Variants in SV2C observed in about 807,000 individuals in gnomAD.
The protein encoded by SV2C is synaptic vesicle glycoprotein 2C, also known as solute carrier family 22 member B3.
In SV2C, 49 loss-of-function variants were observed where a neutral mutation model predicts 79.7. That is an observed-to-expected ratio of 0.61 (90% confidence interval 0.49 to 0.78). SV2C has a LOEUF of 0.78. Among genes scored for constraint, SV2C ranks in the 30% least tolerant of loss-of-function variants. The pLI, the probability that SV2C is intolerant of heterozygous loss-of-function variation, is 0.00. For synonymous variants in SV2C, 334 were observed against 333.2 expected, an observed-to-expected ratio of 1.00 and a Z score of -0.03; for missense variants, 833 against 912.9, an observed-to-expected ratio of 0.91 and a Z score of 1.13.
the SV2C span, among the ~76,000 whole-genome samples, chr5:76,057,903 T>A: frequency 6.6e-6 from 1 of 152,180 alleles, no homozygotes; most frequent in African/African-American, 2.4e-5. Flanking sequence ...TGTTTATGAA[T>A]AATTTGAATT....
chr5:76,302,499 G>A (rs1260702918), intron 12 of SV2C, among the ~76,000 whole-genome samples: 59 of 151,462 alleles, frequency 3.9e-4, no homozygotes, highest in Admixed American at 2.3e-3. Flanking sequence ...GCATGGCGGC[G>A]GGTGCCTGTA....
intron 2 of SV2C, among the ~76,000 whole-genome samples, chr5:76,165,983 T>A (rs546433629): frequency 1.5e-4 from 23 of 152,192 alleles, no homozygotes; most frequent in Non-Finnish European, 2.8e-4. Flanking sequence ...CAGTCAAGAA[T>A]GAGGGGTTCC....
chr5:76,085,372 T>C (rs1747152427), intron 1 of SV2C, among the ~76,000 whole-genome samples: 1 of 152,186 alleles, frequency 6.6e-6, no homozygotes, highest in Non-Finnish European at 1.5e-5. Flanking sequence ...ACACTACTGA[T>C]AACGCATTCT....
chr5:76,144,574 G>A (rs1749361259), intron 2 of SV2C, among the ~76,000 whole-genome samples: 1 of 152,212 alleles, frequency 6.6e-6, no homozygotes, highest in African/African-American at 2.4e-5. Flanking sequence ...ATGTAGAAGT[G>A]TCTTCTGTGC....
At position 76,221,231 on chromosome 5, in the gene SV2C, G is replaced by A. The variant is rs114682129; in HGVS notation, c.913+11344G>A. The stretch of plus-strand genomic sequence containing the variant: ...GATAGCTCAGGGAATGGTCAGGAAG[G>A]CTGGAGAAACAGGCTCAGAAAACAG... On this transcript the variant is annotated intron_variant, in intron 4 of 12. Coordinates refer to ENST00000502798, the MANE Select transcript of SV2C (RefSeq NM_014979.4). Among the ~76,000 whole-genome samples the A allele has an allele frequency of 9.6e-3, 1,458 of 152,278 alleles. 23 individuals carry two copies. The highest frequency in any genetic ancestry group is 0.033 in the African/African-American group (1,362 of 41,550).
chr5:76,089,340 C>T (rs1000706202), intron 1 of SV2C, among the ~76,000 whole-genome samples: 1 of 152,124 alleles, frequency 6.6e-6, no homozygotes, highest in South Asian at 2.1e-4. Flanking sequence ...CATCCATGTC[C>T]CTGCAAAGGA....
intron 4 of SV2C, among the ~76,000 whole-genome samples, chr5:76,228,544 C>T (rs191213693): frequency 5.3e-5 from 8 of 152,162 alleles, no homozygotes; most frequent in East Asian, 1.9e-4. Flanking sequence ...GCAAGGAAAC[C>T]GTAAGTCTGC....
the SV2C span, among the ~76,000 whole-genome samples, chr5:75,863,593 A>G: frequency 0.017 from 2,644 of 152,284 alleles, 42 homozygotes; most frequent in Middle Eastern, 0.044. Context: ...TGGCTTTTCC[A>G]CATGGCCTTT....
chr5:76,052,042 A>G, the SV2C span, among the ~76,000 whole-genome samples: 1 of 152,116 alleles, frequency 6.6e-6, no homozygotes, highest in Non-Finnish European at 1.5e-5. Context: ...TGTTAAATCC[A>G]GGTCATCTCC....
At chr5:75,921,460 C>G in the SV2C span, 1 of 796,758 alleles carries the variant, frequency 1.3e-6, no homozygotes, top group Non-Finnish European at 2.3e-6. Flanking sequence ...CCATCCTTGC[C>G]CATAAGGCAG....
intron 12 of SV2C, among the ~76,000 whole-genome samples, chr5:76,323,251 G>T (rs1748887618): frequency 6.6e-6 from 1 of 152,028 alleles, no homozygotes; most frequent in South Asian, 2.1e-4. Flanking sequence ...CTTCTCAAAA[G>T]AAGACATTTA....
the SV2C span, among the ~76,000 whole-genome samples, chr5:76,072,910 A>G: frequency 6.6e-6 from 1 of 152,122 alleles, no homozygotes; most frequent in Non-Finnish European, 1.5e-5. Context: ...TTCTTTGGAA[A>G]ATTGTCTATT....
At chr5:75,950,539 T>A in the SV2C span, among the ~76,000 whole-genome samples, 1 of 152,046 alleles carries the variant, frequency 6.6e-6, no homozygotes, top group Non-Finnish European at 1.5e-5. Flanking sequence ...AAATACTTAT[T>A]GTAATGATAC....
intron 1 of SV2C, among the ~76,000 whole-genome samples, chr5:76,120,229 A>G (rs2937705): frequency 0.59 from 89,411 of 151,608 alleles, 28,569 homozygotes; most frequent in African/African-American, 0.84. Context: ...GTAGCATCTC[A>G]CAAACGTGAC....
chr5:76,019,140 T>A, the SV2C span, among the ~76,000 whole-genome samples: 102 of 152,112 alleles, frequency 6.7e-4, no homozygotes, highest in Non-Finnish European at 7.5e-4. Context: ...CAACAGCCAG[T>A]TCACTGTTTC....
chr5:76,087,052 A>G lies in SV2C; in HGVS notation c.-102+3540A>G, dbSNP rs565751674. On this transcript the variant is annotated intron_variant, in intron 1 of 12. Transcript: ENST00000502798. Reference sequence around the variant, plus strand: ...ATGATGAGTTATATTTTAAGTTTGAAGTTTGCTTATAAGTAGTATAGAAAA... The same window carrying G: ...ATGATGAGTTATATTTTAAGTTTGAGGTTTGCTTATAAGTAGTATAGAAAA... Among the ~76,000 whole-genome samples the G allele has an allele frequency of 1.1e-3, 163 of 152,296 alleles. 1 individual carries two copies. Among genetic ancestry groups the G allele is most frequent in the African/African-American group, 3.9e-3 (160 of 41,558 alleles).
chr5:76,072,220 G>C, the SV2C span, among the ~76,000 whole-genome samples: 1 of 152,120 alleles, frequency 6.6e-6, no homozygotes, highest in African/African-American at 2.4e-5. Flanking sequence ...AAAAACTCTT[G>C]ATAATCCTTA....
chr5:76,076,104 C>A, the SV2C span, among the ~76,000 whole-genome samples: 27 of 152,324 alleles, frequency 1.8e-4, no homozygotes, highest in African/African-American at 6.0e-4. Flanking sequence ...CATATTGTTT[C>A]AAGCCCTGCT....
At chr5:76,042,418 T>C in the SV2C span, among the ~76,000 whole-genome samples, 1 of 152,236 alleles carries the variant, frequency 6.6e-6, no homozygotes, top group African/African-American at 2.4e-5. Flanking sequence ...TGTAAAATAC[T>C]TAGTTCAGTA....
Sources: gnomAD v4.1 joint callset for allele counts (sites outside exome capture counted in the v4.1 genomes callset) on GRCh38, gnomAD v4.1.1 for gene constraint, MANE v1.5 for transcripts, NCBI Gene and HGNC (gene_info 2026-07-23, HGNC 2026-07-21) for gene names.